Variants in NRP2 observed in about 807,000 individuals in gnomAD.
NRP2 encodes the protein neuropilin-2.
NRP2 carries 52 observed loss-of-function variants against 110.4 expected under a neutral mutation model. The ratio of observed to expected loss-of-function variants is 0.47; its 90% CI spans 0.38 to 0.59. The LOEUF is 0.59. Among genes scored for constraint, NRP2 ranks in the 20% least tolerant of loss-of-function variants. The probability of loss-of-function intolerance (pLI) is 0.00; values close to 1 mark genes in which losing one functional copy is unlikely to be tolerated. For missense variants in NRP2, 1,049 were observed against 1,203.0 expected (o/e 0.87, Z 1.89); for synonymous variants, 508 against 468.9 (o/e 1.08, Z -1.08).
chr2:205,721,019 G>GAGAT (rs2057000651), intron 3 of NRP2, among the ~76,000 whole-genome samples: 1 of 152,188 alleles, frequency 6.6e-6, no homozygotes, highest in African/African-American at 2.4e-5. Flanking sequence ...GGATAGGTAG[G>GAGAT]AGATACTGGA....
At chr2:205,684,453 C>T (rs1575527826) in intron 1 of NRP2, among the ~76,000 whole-genome samples, 1 of 152,174 alleles carries the variant, frequency 6.6e-6, no homozygotes, top group East Asian at 1.9e-4. Flanking sequence ...ACTTGCAAGG[C>T]GATGGCGGCA....
chr2:205,697,706 A>G lies in NRP2; in HGVS notation c.236A>G (p.Glu79Gly). Residue 79 changes from glutamate (E) to glycine (G), a missense_variant, in exon 2 of 17, where the codon GAG becomes GGG. By Grantham distance (98) the Glu-to-Gly change is moderately conservative. Coordinates refer to ENST00000357785, the MANE Select transcript of NRP2 (RefSeq NM_003872.3). ...VLNFNPHFEI[E>G]KHDCKYDFIE... Reference sequence around the variant, plus strand: ...AACTTCAACCCTCACTTTGAAATCGAGAAGCACGACTGCAAGTAAGCACCG... The same window carrying G: ...AACTTCAACCCTCACTTTGAAATCGGGAAGCACGACTGCAAGTAAGCACCG... 1 of 1,614,014 alleles carries G rather than the reference A, an allele frequency of 6.2e-7. No homozygotes were observed. Among genetic ancestry groups the G allele is most frequent in the Non-Finnish European group, 8.5e-7 (1 of 1,180,004 alleles).
intron 15 of NRP2, chr2:205,777,743 T>A (rs1447743935): frequency 6.6e-6 from 1 of 152,212 alleles, no homozygotes; most frequent in African/African-American, 2.4e-5. Context: ...TGTGCCTGAA[T>A]CTATAGCCGC....
chr2:205,772,285 G>A (rs1233905340), intron 15 of NRP2, among the ~76,000 whole-genome samples: 2 of 152,206 alleles, frequency 1.3e-5, no homozygotes, highest in Non-Finnish European at 2.9e-5. Context: ...TTTCCCAATT[G>A]CATAGTGACC....
In NRP2 at chr2:205,725,888, G is replaced by A; in HGVS notation, c.821-25G>A. 1 of 1,613,468 alleles carries A rather than the reference G, an allele frequency of 6.2e-7. No individual in the cohort carries two copies. On this transcript the variant is annotated intron_variant, in intron 5 of 16. Coordinates refer to ENST00000357785, the MANE Select transcript of NRP2 (RefSeq NM_003872.3). The surrounding 1 kb of genome is among the most constrained non-coding windows in gnomAD (Gnocchi z 4.1). ...AGGTATGAGGTTGGAAGGCCTAACTGCATTTGACCGTCTGCTTTCCCCAGA... is the reference window on the plus strand; with the variant it reads ...AGGTATGAGGTTGGAAGGCCTAACTACATTTGACCGTCTGCTTTCCCCAGA...
chr2:205,779,875 T>C (rs989784842), intron 15 of NRP2, among the ~76,000 whole-genome samples: 2 of 152,252 alleles, frequency 1.3e-5, no homozygotes, highest in African/African-American at 2.4e-5. Context: ...CAACTTTTCC[T>C]TCTTTTTATT....
intron 15 of NRP2, among the ~76,000 whole-genome samples, chr2:205,790,705 T>C (rs891838073): frequency 3.3e-5 from 5 of 151,868 alleles, no homozygotes; most frequent in African/African-American, 1.2e-4. Context: ...ACAAGCTCGA[T>C]TTGATCCCTG....
At chr2:205,778,390 A>G (rs937489038) in intron 15 of NRP2, 1 of 152,174 alleles carries the variant, frequency 6.6e-6, no homozygotes, top group Admixed American at 6.5e-5. Flanking sequence ...CTCTGTCTCA[A>G]CCACAGCAGC....
intron 9 of NRP2, among the ~76,000 whole-genome samples, chr2:205,745,195 T>C (rs565677568): frequency 1.3e-4 from 20 of 152,294 alleles, no homozygotes; most frequent in Middle Eastern, 3.4e-3. Context: ...AACAAAGGTT[T>C]GGGAAACAGT....
At chr2:205,717,289 C>G (rs796509077) in intron 3 of NRP2, among the ~76,000 whole-genome samples, 7 of 152,130 alleles carry the variant, frequency 4.6e-5, no homozygotes, top group South Asian at 2.1e-4. Flanking sequence ...CCCTCTCCCC[C>G]CAGCAGCCCA....
At position 205,686,903 on chromosome 2, in the gene NRP2, C is replaced by T. The variant is rs1010024309; in HGVS notation, c.73+3540C>T. Among the ~76,000 whole-genome samples the T allele has an allele frequency of 6.6e-6, 1 of 152,190 alleles. No individual in the cohort carries two copies. The highest frequency in any genetic ancestry group is 1.5e-5 in the Non-Finnish European group (1 of 68,036). ...CCGATCAGCGCCCACTACGAACGTC[C>T]CCTTTGCTAGAGTTAATCATGATCT... is the stretch of plus-strand genomic sequence containing the variant. On this transcript the variant is annotated intron_variant, in intron 1 of 16. Coordinates refer to ENST00000357785, the MANE Select transcript of NRP2 (RefSeq NM_003872.3). This position sits in a 1 kb window ranked among gnomAD's most constrained non-coding sequence, Gnocchi z 4.7.
intron 15 of NRP2, among the ~76,000 whole-genome samples, chr2:205,789,059 A>G (rs1042984629): frequency 6.6e-6 from 1 of 152,152 alleles, no homozygotes; most frequent in Non-Finnish European, 1.5e-5. Flanking sequence ...GCCCTACTCT[A>G]TCAAAGTAGT....
At position 205,754,123 on chromosome 2, in the gene NRP2, G is replaced by A. The variant is rs528369743; in HGVS notation, c.2044+1148G>A. On this transcript the variant is annotated intron_variant, in intron 12 of 16. Transcript: ENST00000357785. ...GCACTGAGTGACTTTGAATTCTCCTGTACTTCTGGCCTGGACCTGAGACCT... is the reference window on the plus strand; with the variant it reads ...GCACTGAGTGACTTTGAATTCTCCTATACTTCTGGCCTGGACCTGAGACCT... Among the ~76,000 whole-genome samples, 8 of 152,348 alleles carry A rather than the reference G, an allele frequency of 5.3e-5. 1 individual carries two copies. The South Asian group carries it at 1.0e-3, about 20-fold the overall frequency.
In NRP2 at chr2:205,752,928, G is replaced by A. The variant is rs372658596; in HGVS notation, c.1997G>A (p.Arg666Gln). The A allele has an allele frequency of 1.5e-5, 24 of 1,614,072 alleles. No individual in the cohort carries two copies. The highest frequency in any genetic ancestry group is 5.0e-5 in the Admixed American group (3 of 60,028). ...GWMYDHAKWL[R>Q]TTWASSSSPN... is the part of the protein sequence containing the mutation. ...ATGTATGACCATGCCAAGTGGCTCC[G>A]GACCACCTGGGCCAGCAGCTCCAGC... Residue 666 changes from arginine (R) to glutamine (Q), a missense_variant, in exon 12 of 17, where the codon CGG becomes CAG. Physicochemically the swap from Arg to Gln is conservative, Grantham distance 43 (BLOSUM62 1). Transcript: ENST00000357785.
intron 15 of NRP2, among the ~76,000 whole-genome samples, chr2:205,771,917 T>C (rs1292727074): frequency 1.3e-5 from 2 of 152,254 alleles, no homozygotes; most frequent in African/African-American, 4.8e-5. Flanking sequence ...AAAATTGATT[T>C]ACACAAACAG....
intron 3 of NRP2, among the ~76,000 whole-genome samples, chr2:205,718,227 C>G (rs963653601): frequency 2.6e-5 from 4 of 152,174 alleles, no homozygotes; most frequent in Non-Finnish European, 5.9e-5. Flanking sequence ...TAGTATTTCA[C>G]AAGGCATCAT....
At position 205,697,729 on chromosome 2, in the gene NRP2, C is replaced by A. The variant is rs2056463825; in HGVS notation, c.251+8C>A. 1.2e-6 allele frequency: 2 copies of A among 1,613,618 alleles called. No individual in the cohort carries two copies. The highest frequency in any genetic ancestry group is 1.3e-5 in the African/African-American group (1 of 74,866). ...CGAGAAGCACGACTGCAAGTAAGCA[C>A]CGTCCTGTCCCACTGTGTATCCCAT... On this transcript the variant is annotated splice_region_variant and intron_variant, in intron 2 of 16. Coordinates refer to ENST00000357785, the MANE Select transcript of NRP2 (RefSeq NM_003872.3).
At position 205,709,356 on chromosome 2, in the gene NRP2, G is replaced by C. The variant is rs1050183086; in HGVS notation, c.252-6837G>C. Among the ~76,000 whole-genome samples the C allele has an allele frequency of 1.2e-4, 18 of 152,084 alleles. 1 individual carries two copies. Among genetic ancestry groups the C allele is most frequent in the African/African-American group, 3.9e-4 (16 of 41,408 alleles). On this transcript the variant is annotated intron_variant, in intron 2 of 16. Transcript: ENST00000357785. ...TTCTCCACATCCACCATCCTGTTTT[G>C]TTTTATGCTGGTAATAATAAAAATA...
At chr2:205,743,653 A>G in intron 9 of NRP2, 101 bp downstream of exon 9, 9 of 1,515,294 alleles carry the variant, frequency 5.9e-6, no homozygotes, top group Non-Finnish European at 8.0e-6. Context: ...AACAGTCGTC[A>G]TCCAACTCCT....
Sources: allele counts gnomAD v4.1 joint callset (sites outside exome capture counted in the v4.1 genomes callset), GRCh38; gene constraint gnomAD v4.1.1; non-coding constraint Gnocchi (gnomAD v3.1); transcripts MANE v1.5; gene names NCBI Gene and HGNC (gene_info 2026-07-23, HGNC 2026-07-21).